The following AHI1 variants were observed in gnomAD, a reference collection of about 807,000 sequenced individuals.
AHI1 encodes jouberin.
Under a neutral mutation model 149.3 loss-of-function variants are expected in AHI1, and 123 were observed. The observed-to-expected ratio is 0.82, with a 90% confidence interval of 0.71 to 0.96. The LOEUF is 0.96. Ranked by LOEUF, AHI1 falls within the 40% of genes least tolerant of loss-of-function variation. The probability of loss-of-function intolerance (pLI) is 0.00; values close to 1 mark genes in which losing one functional copy is unlikely to be tolerated. For synonymous variants in AHI1, 475 were observed against 459.8 expected, an observed-to-expected ratio of 1.03 and a Z score of -0.42; for missense variants, 1,439 against 1,422.7, an observed-to-expected ratio of 1.01 and a Z score of -0.18.
chr6:135,339,904 C>T (rs867364934), intron 24 of AHI1, among the ~76,000 whole-genome samples: 2 of 152,060 alleles, frequency 1.3e-5, no homozygotes, highest in Middle Eastern at 3.2e-3. Context: ...ATCTCAAAAG[C>T]AACAAGAATA....
intron 16 of AHI1, 57 bp from the exon 17 acceptor site, chr6:135,431,371 T>G: frequency 9.4e-7 from 1 of 1,068,760 alleles, no homozygotes; most frequent in East Asian, 2.6e-5. Flanking sequence ...TAGAAACAAA[T>G]AATAGGAAAT....
Position 135,293,402 on chromosome 6 carries a change from AAAAG to A in AHI1, c.3486-2881_3486-2878del, listed in dbSNP as rs1562444415. 5.6e-3 allele frequency among the ~76,000 whole-genome samples: 548 copies of A among 98,032 alleles called. 8 individuals carry two copies. The highest frequency in any genetic ancestry group is 0.053 in the African/African-American group (509 of 9,532). 64.3% of individuals were successfully genotyped at this position (98,032 alleles called of 152,430 possible). A position where few individuals can be genotyped will look rare whatever the true frequency, so the allele number is the denominator to read the frequency against. On this transcript the variant is annotated intron_variant, in intron 27 of 28. Coordinates refer to ENST00000265602, the MANE Select transcript of AHI1 (RefSeq NM_001134831.2). Reference sequence around the variant, plus strand: ...CCAGTGTTAACAGGGCAAAAAAAAAAAAAGAAAAAAAAAAAAAAAAAAGAAAAAA... The same window carrying A: ...CCAGTGTTAACAGGGCAAAAAAAAAAAAAAAAAAAAAAAAAAAAGAAAAAA...
At chr6:135,461,840 C>T (rs112401020) in intron 8 of AHI1, among the ~76,000 whole-genome samples, 2,032 of 151,990 alleles carry the variant, frequency 0.013, 84 homozygotes, top group African/African-American at 0.047. Context: ...ACAAGGAGCA[C>T]AGTATTTATC....
chr6:135,359,600 T>G (rs964104744), intron 23 of AHI1, among the ~76,000 whole-genome samples: 11 of 152,276 alleles, frequency 7.2e-5, no homozygotes, highest in Admixed American at 3.3e-4. Flanking sequence ...AAATCCCAAC[T>G]TTGTCAGCCC....
rs527262336 is a variant in AHI1, at chr6:135,333,850, T to G, written c.3166-10526A>C. ...ATGGTATACCTTCCAGCTTTAAAAT[T>G]TTACCAAACTAAGTACTCAATTATA... is the stretch of plus-strand genomic sequence containing the variant. On this transcript the variant is annotated intron_variant, in intron 24 of 28. Coordinates refer to ENST00000265602, the MANE Select transcript of AHI1 (RefSeq NM_001134831.2). Among the ~76,000 whole-genome samples, 282 of 152,286 alleles carry G rather than the reference T, an allele frequency of 1.9e-3. 1 individual carries two copies. Among genetic ancestry groups the G allele is most frequent in the African/African-American group, 6.6e-3 (274 of 41,572 alleles).
chr6:135,351,517 C>G (rs948895518), intron 24 of AHI1, among the ~76,000 whole-genome samples: 1 of 152,160 alleles, frequency 6.6e-6, no homozygotes, highest in Admixed American at 6.5e-5. Context: ...AGAATCAGGA[C>G]TTGACACCAG....
At chr6:135,400,379 C>T (rs1200631425) in intron 22 of AHI1, among the ~76,000 whole-genome samples, 1 of 151,954 alleles carries the variant, frequency 6.6e-6, no homozygotes, top group Non-Finnish European at 1.5e-5. Flanking sequence ...TTTACCTTTA[C>T]AGCACTCTTC....
At chr6:135,444,732 C>T (rs369580282) in intron 13 of AHI1, among the ~76,000 whole-genome samples, 6 of 152,318 alleles carry the variant, frequency 3.9e-5, no homozygotes, top group African/African-American at 1.4e-4. Context: ...CTTTAAATGT[C>T]TAGCTGAATA....
At chr6:135,302,771 A>AG in intron 26 of AHI1, 1 of 1,288,806 alleles carries the variant, frequency 7.8e-7, no homozygotes, top group Non-Finnish European at 1.0e-6. Context: ...AGGCAGAAGC[A>AG]GGGGGAAGAA....
At chr6:135,345,922 A>C (rs1247739793) in intron 24 of AHI1, among the ~76,000 whole-genome samples, 1 of 152,230 alleles carries the variant, frequency 6.6e-6, no homozygotes, top group East Asian at 1.9e-4. Context: ...AAATACACGT[A>C]AGGAGACCAT....
chr6:135,385,276 G>A (rs772593274), intron 23 of AHI1, among the ~76,000 whole-genome samples: 1 of 152,140 alleles, frequency 6.6e-6, no homozygotes, highest in Non-Finnish European at 1.5e-5. Flanking sequence ...CACTAAGGGA[G>A]TGGGCATATA....
intron 20 of AHI1, among the ~76,000 whole-genome samples, chr6:135,426,932 T>A (rs1230567243): frequency 5.3e-5 from 8 of 151,720 alleles, no homozygotes; most frequent in African/African-American, 1.9e-4. Context: ...CTGTATTCCC[T>A]AAGTTTTATT....
At chr6:135,292,636 T>C (rs1228753333) in intron 27 of AHI1, among the ~76,000 whole-genome samples, 1 of 152,180 alleles carries the variant, frequency 6.6e-6, no homozygotes, top group Non-Finnish European at 1.5e-5. Context: ...GAACAGTGTT[T>C]ATTCCCACTA....
intron 23 of AHI1, among the ~76,000 whole-genome samples, chr6:135,361,644 T>TTC (rs1162279984): frequency 1.3e-4 from 12 of 91,904 alleles, no homozygotes; most frequent in East Asian, 2.7e-4. Flanking sequence ...TAGGTATGGT[T>TTC]TCACACACAC....
At chr6:135,305,811 T>G (rs959364284) in intron 26 of AHI1, among the ~76,000 whole-genome samples, 10 of 152,214 alleles carry the variant, frequency 6.6e-5, no homozygotes, top group African/African-American at 2.4e-4. Context: ...CCTGTCCACT[T>G]GTTCAGGTCT....
At chr6:135,468,768 GGACAC>G (rs1791218999) in intron 5 of AHI1, among the ~76,000 whole-genome samples, 1 of 152,092 alleles carries the variant, frequency 6.6e-6, no homozygotes, top group Non-Finnish European at 1.5e-5. Flanking sequence ...ATAAATTGCT[GGACAC>G]ATACACCCTC....
intron 24 of AHI1, among the ~76,000 whole-genome samples, chr6:135,331,468 C>T (rs143768567): frequency 1.4e-4 from 22 of 152,246 alleles, no homozygotes; most frequent in African/African-American, 5.1e-4. Context: ...TTGATTTAGG[C>T]AGAGTCTGCC....
At chr6:135,363,671 C>A (rs1303713582) in intron 23 of AHI1, among the ~76,000 whole-genome samples, 2 of 145,962 alleles carry the variant, frequency 1.4e-5, no homozygotes, top group Admixed American at 6.7e-5. Context: ...GCTGGCCGGG[C>A]GGGGGGCTGA....
intron 26 of AHI1, among the ~76,000 whole-genome samples, chr6:135,305,532 CAATTAGA>C (rs1784440249): frequency 6.6e-6 from 1 of 152,186 alleles, no homozygotes; most frequent in African/African-American, 2.4e-5. Context: ...TGAGATGTTT[CAATTAGA>C]AAGTCAGATT....
Sources: gnomAD v4.1 joint callset for allele counts (sites outside exome capture counted in the v4.1 genomes callset) on GRCh38, gnomAD v4.1.1 for gene constraint, MANE v1.5 for transcripts, NCBI Gene and HGNC (gene_info 2026-07-23, HGNC 2026-07-21) for gene names.